FREM1: variants seen among roughly 807,000 people sequenced by gnomAD.
The protein encoded by FREM1 is FRAS1 related extracellular matrix 1.
In FREM1, 220 loss-of-function variants were observed where a neutral mutation model predicts 210.1. The observed-to-expected ratio is 1.05, with a 90% confidence interval of 0.94 to 1.17. The LOEUF is 1.17. Among genes scored for constraint, FREM1 ranks in the 50% most tolerant of loss-of-function variants. FREM1 has a pLI of 0.00. For synonymous variants in FREM1, 1,189 were observed against 980.2 expected, an observed-to-expected ratio of 1.21 and a Z score of -3.98; for missense variants, 3,454 against 2,675.5, an observed-to-expected ratio of 1.29 and a Z score of -6.42.
Position 14,812,883 on chromosome 9 carries a change from C to A in FREM1, c.2822G>T (p.Arg941Ile). Residue 941 changes from arginine (R) to isoleucine (I), a missense_variant, in exon 16 of 37, where the codon AGA (arginine) becomes ATA (isoleucine). Coordinates refer to ENST00000380880, the MANE Select transcript of FREM1 (RefSeq NM_001379081.2). ...AREPQHGVVR[R>I]AGVTVDQFSQ... ...GAACTGATCCACTGTGACTCCAGCTCTCCTCACCACCCCATGCTGAGGTTC... is the reference window on the plus strand; with the variant it reads ...GAACTGATCCACTGTGACTCCAGCTATCCTCACCACCCCATGCTGAGGTTC... 1 of 1,613,872 alleles carries A rather than the reference C, an allele frequency of 6.2e-7. No homozygotes were observed.
At chr9:14,791,864 G>A (rs1408248136) in intron 22 of FREM1, among the ~76,000 whole-genome samples, 1 of 148,628 alleles carries the variant, frequency 6.7e-6, no homozygotes, top group Non-Finnish European at 1.5e-5. Flanking sequence ...ACGGAGTCTT[G>A]CTCTGTCACC....
At chr9:14,868,611 G>A in intron 2 of FREM1, 133 bp downstream of exon 2, 1 of 646,226 alleles carries the variant, frequency 1.5e-6, no homozygotes, top group South Asian at 1.9e-5. Context: ...CATTTCAAAT[G>A]TGAACATCTT....
chr9:14,855,774 T>A (rs1467670654), intron 5 of FREM1, among the ~76,000 whole-genome samples: 1 of 152,022 alleles, frequency 6.6e-6, no homozygotes, highest in South Asian at 2.1e-4. Flanking sequence ...GGTAAAGGGA[T>A]AAACTCCCAA....
intron 1 of FREM1, among the ~76,000 whole-genome samples, chr9:14,876,786 C>G (rs989126560): frequency 6.6e-6 from 1 of 152,176 alleles, no homozygotes; most frequent in Non-Finnish European, 1.5e-5. Flanking sequence ...ACGCTAGGAG[C>G]TATAGACTGG....
intron 21 of FREM1, among the ~76,000 whole-genome samples, chr9:14,795,293 C>T (rs1852167690): frequency 6.6e-6 from 1 of 152,158 alleles, no homozygotes; most frequent in Non-Finnish European, 1.5e-5. Context: ...GAGAGGTTAA[C>T]AGAGAGATTG....
At chr9:14,743,275 A>C (rs1232280257) in intron 35 of FREM1, among the ~76,000 whole-genome samples, 1 of 152,066 alleles carries the variant, frequency 6.6e-6, no homozygotes, top group Non-Finnish European at 1.5e-5. Context: ...GTATTCATAG[A>C]TACGTGAAGA....
chr9:14,759,154 T>C (rs757106910), intron 28 of FREM1, among the ~76,000 whole-genome samples: 2 of 152,070 alleles, frequency 1.3e-5, no homozygotes, highest in Non-Finnish European at 2.9e-5. Flanking sequence ...AAATAAAACC[T>C]CAAAGTCTAA....
intron 24 of FREM1, among the ~76,000 whole-genome samples, chr9:14,781,983 G>T (rs1421351446): frequency 6.6e-6 from 1 of 152,226 alleles, no homozygotes; most frequent in African/African-American, 2.4e-5. Flanking sequence ...GGGATTACAG[G>T]CGTGAGCCAC....
chr9:14,739,131 T>C (rs919529893), intron 36 of FREM1, among the ~76,000 whole-genome samples: 1 of 151,362 alleles, frequency 6.6e-6, no homozygotes, highest in Non-Finnish European at 1.5e-5. Flanking sequence ...TGAGACAGGG[T>C]CTTGCTCTGT....
chr9:14,896,160 C>T lies in FREM1; in HGVS notation c.-268+13754G>A, dbSNP rs919190175. Among the ~76,000 whole-genome samples, 18 of 152,280 alleles carry T rather than the reference C, an allele frequency of 1.2e-4. 1 individual carries two copies. In the South Asian group the frequency reaches 2.3e-3, roughly 19 times the overall value. On this transcript the variant is annotated intron_variant, in intron 1 of 36. Transcript: ENST00000380880. ...GATGGGGATAAAAGTGACCTCTGAT[C>T]GTCCTCACTGCTACCCTCCCACTCC...
At chr9:14,773,739 C>G (rs536393805) in intron 25 of FREM1, among the ~76,000 whole-genome samples, 88 of 151,990 alleles carry the variant, frequency 5.8e-4, no homozygotes, top group Non-Finnish European at 1.1e-3. Flanking sequence ...TAGCCATGCT[C>G]TTTAAGATGA....
At chr9:14,797,185 T>C (rs541211941) in intron 21 of FREM1, among the ~76,000 whole-genome samples, 1 of 152,360 alleles carries the variant, frequency 6.6e-6, no homozygotes, top group Non-Finnish European at 1.5e-5. Flanking sequence ...GCAGTCACGT[T>C]GGTGTAAGTG....
At chr9:14,820,172 A>G (rs2818929) in intron 13 of FREM1, among the ~76,000 whole-genome samples, 55,534 of 152,088 alleles carry the variant, frequency 0.37, 10,412 homozygotes, top group East Asian at 0.59. Flanking sequence ...AGTCTAGAAA[A>G]AAGTTACATA....
chr9:14,794,471 G>GCACTGCGGACACCTGAGGTGGGA (rs2133120954), intron 21 of FREM1, among the ~76,000 whole-genome samples: 1 of 152,276 alleles, frequency 6.6e-6, no homozygotes, highest in East Asian at 1.9e-4. Context: ...GTGGAGTGAG[G>GCACTGCGGACACCTGAGGTGGGA]CACTGCGGAC....
intron 1 of FREM1, among the ~76,000 whole-genome samples, chr9:14,905,847 C>T (rs1038928376): frequency 4.0e-5 from 6 of 151,894 alleles, no homozygotes; most frequent in East Asian, 1.9e-4. Flanking sequence ...GCCAAGATCA[C>T]GCCACTGCAC....
intron 10 of FREM1, among the ~76,000 whole-genome samples, chr9:14,839,710 T>C (rs1318718234): frequency 6.6e-6 from 1 of 152,210 alleles, no homozygotes; most frequent in Non-Finnish European, 1.5e-5. Flanking sequence ...AAGAGCATGA[T>C]TTATAAAATA....
rs1166570309 is a variant in FREM1 at position 14,824,943 on chromosome 9, G to A, written c.1931C>T (p.Ala644Val). 2 of 1,606,978 alleles carry A rather than the reference G, an allele frequency of 1.2e-6. No individual in the cohort carries two copies. The highest frequency in any genetic ancestry group is 1.7e-6 in the Non-Finnish European group (2 of 1,178,310). ...TPVDDQLPKE[A>V]PGVSRHLVVK... is the part of the protein sequence containing the mutation. The stretch of plus-strand genomic sequence containing the variant: ...AACCAAATGCCGAGAAACTCCAGGA[G>A]CCTCTTTTGGAAGCTGGTCATCCAC... Residue 644 changes from alanine (A) to valine (V), a missense_variant, in exon 11 of 37, where the codon GCT (alanine) becomes GTT (valine). Coordinates refer to ENST00000380880, the MANE Select transcript of FREM1 (RefSeq NM_001379081.2).
Position 14,848,785 on chromosome 9 carries a change from CAG to C in FREM1, c.1153-14_1153-13del, listed in dbSNP as rs747228215. On this transcript the variant is annotated splice_polypyrimidine_tract_variant and intron_variant, in intron 6 of 36. Coordinates refer to ENST00000380880, the MANE Select transcript of FREM1 (RefSeq NM_001379081.2). ...ACCTCCAATTCTACCTGTAAACAAA[CAG>C]AGGCAAAGGAGCCACACACTGAAGC... 8.4e-6 allele frequency: 13 copies of C among 1,548,468 alleles called. No homozygotes were observed. Among genetic ancestry groups the C allele is most frequent in the South Asian group, 7.8e-5 (7 of 89,604 alleles).
chr9:14,910,450 G>C (rs936550828), upstream of FREM1: 2 of 152,644 alleles, frequency 1.3e-5, no homozygotes, highest in Non-Finnish European at 1.5e-5. Context: ...CACTCGCCGA[G>C]CCAGAGCAGC....
Sources: gnomAD v4.1 joint callset for allele counts (sites outside exome capture counted in the v4.1 genomes callset) on GRCh38, gnomAD v4.1.1 for gene constraint, MANE v1.5 for transcripts, NCBI Gene and HGNC (gene_info 2026-07-23, HGNC 2026-07-21) for gene names.